The following CNGB3 variants were observed in gnomAD, a reference collection of about 807,000 sequenced individuals.
The protein encoded by CNGB3 is cyclic nucleotide gated channel subunit beta 3.
In CNGB3, 86 loss-of-function variants were observed where a neutral mutation model predicts 92.8. The ratio of observed to expected loss-of-function variants is 0.93; its 90% CI spans 0.78 to 1.11. CNGB3 has a LOEUF of 1.11. Among genes scored for constraint, CNGB3 ranks in the 50% least tolerant of loss-of-function variants. The probability of loss-of-function intolerance (pLI) is 0.00; values close to 1 mark genes in which losing one functional copy is unlikely to be tolerated. For missense variants in CNGB3, 1,026 were observed against 956.8 expected, an observed-to-expected ratio of 1.07 and a Z score of -0.95; for synonymous variants, 333 against 332.7, an observed-to-expected ratio of 1.00 and a Z score of -0.01.
chr8:86,648,641 A>C lies in CNGB3; in HGVS notation c.904-754T>G, dbSNP rs181025669. 7.8e-3 allele frequency among the ~76,000 whole-genome samples: 1,176 copies of C among 151,414 alleles called. 17 individuals are homozygous for C. Among genetic ancestry groups the C allele is most frequent in the African/African-American group, 0.026 (1,062 of 41,494 alleles). ...TACTTTCTTGATGGCAACAACAATA[A>C]GAAATTCTTTTGTGTAAAATAATTA... is the stretch of plus-strand genomic sequence containing the variant. On this transcript the variant is annotated intron_variant, in intron 7 of 17. Coordinates refer to ENST00000320005, the MANE Select transcript of CNGB3 (RefSeq NM_019098.5).
intron 12 of CNGB3, 104 bp downstream of exon 12, chr8:86,628,806 ATTTAGTTGT>A: frequency 8.9e-7 from 1 of 1,122,812 alleles, no homozygotes; most frequent in South Asian, 1.2e-5. Context: ...TTTAAGGATC[ATTTAGTTGT>A]TTTTCAACCT....
chr8:86,638,936 C>T (rs573649245), intron 10 of CNGB3, among the ~76,000 whole-genome samples: 1 of 151,892 alleles, frequency 6.6e-6, no homozygotes, highest in Non-Finnish European at 1.5e-5. Context: ...CCCTTTCCCC[C>T]CTCCTCCCTT....
At chr8:86,576,278 G>T in intron 17 of CNGB3, 148 bp from the exon 18 acceptor site, 1 of 904,112 alleles carries the variant, frequency 1.1e-6, no homozygotes, top group Non-Finnish European at 1.7e-6. Context: ...CTTTGCTTCT[G>T]ACTATCATTT....
intron 2 of CNGB3, among the ~76,000 whole-genome samples, chr8:86,732,322 AG>A (rs1486993264): frequency 3.3e-5 from 5 of 152,186 alleles, no homozygotes; most frequent in Admixed American, 3.3e-4. Flanking sequence ...GCCTGTCCAC[AG>A]CTGGCTGGCA....
intron 6 of CNGB3, chr8:86,659,474 CT>C: frequency 1.6e-6 from 1 of 611,746 alleles, no homozygotes; most frequent in East Asian, 2.8e-5. Context: ...TCAAATTTCT[CT>C]TCTAATTCTG....
intron 2 of CNGB3, among the ~76,000 whole-genome samples, chr8:86,730,087 A>G (rs1230834964): frequency 1.3e-5 from 2 of 152,184 alleles, no homozygotes; most frequent in Non-Finnish European, 2.9e-5. Context: ...TTTGCTCTCC[A>G]CACACCAGGC....
intron 15 of CNGB3, among the ~76,000 whole-genome samples, chr8:86,587,416 C>T (rs868230090): frequency 6.6e-6 from 1 of 152,036 alleles, no homozygotes; most frequent in South Asian, 2.1e-4. Context: ...CTTGCCCATG[C>T]CTATGTCCTG....
chr8:86,616,142 C>G (rs186520604), intron 13 of CNGB3, among the ~76,000 whole-genome samples: 1 of 152,272 alleles, frequency 6.6e-6, no homozygotes, highest in South Asian at 2.1e-4. Flanking sequence ...TTTCAGCTGA[C>G]GGCTTGGATT....
chr8:86,589,230 T>C (rs1821967677), intron 15 of CNGB3, among the ~76,000 whole-genome samples: 1 of 150,846 alleles, frequency 6.6e-6, no homozygotes, highest in African/African-American at 2.4e-5. Context: ...CTTCTCTCTT[T>C]TTTTCTTTAT....
intron 13 of CNGB3, among the ~76,000 whole-genome samples, chr8:86,616,064 G>A (rs918712114): frequency 6.6e-6 from 1 of 152,174 alleles, no homozygotes; most frequent in African/African-American, 2.4e-5. Context: ...AGACAAGCCT[G>A]AACATAGATA....
chr8:86,637,452 G>A (rs1474493349), intron 10 of CNGB3, among the ~76,000 whole-genome samples: 1 of 151,630 alleles, frequency 6.6e-6, no homozygotes, highest in East Asian at 1.9e-4. Context: ...GGTCTTTTGT[G>A]GTTCCATACA....
intron 10 of CNGB3, among the ~76,000 whole-genome samples, chr8:86,640,427 A>G (rs1271892381): frequency 6.6e-6 from 1 of 152,068 alleles, no homozygotes; most frequent in East Asian, 1.9e-4. Flanking sequence ...AAATCAGGAG[A>G]GAGAGAAAGA....
chr8:86,576,297 T>C (rs1821661081), intron 17 of CNGB3, among the ~76,000 whole-genome samples, 167 bp from the exon 18 acceptor site: 1 of 152,058 alleles, frequency 6.6e-6, no homozygotes, highest in Admixed American at 6.6e-5. Context: ...TTGATGAAGT[T>C]TCTGGTGTGC....
At chr8:86,715,386 C>T (rs942038743) in intron 3 of CNGB3, among the ~76,000 whole-genome samples, 2 of 152,092 alleles carry the variant, frequency 1.3e-5, no homozygotes, top group Admixed American at 6.5e-5. Flanking sequence ...TTCAGACACT[C>T]CCTAGTACCA....
chr8:86,576,010 T>C lies in CNGB3; in HGVS notation c.2224A>G (p.Lys742Glu), dbSNP rs765995385. 1 of 1,613,260 alleles carries C rather than the reference T, an allele frequency of 6.2e-7. No homozygotes were observed. Among genetic ancestry groups the C allele is most frequent in the South Asian group, 1.1e-5 (1 of 90,744 alleles). The change falls in exon 18 of 18, where the codon AAA becomes GAA. Residue 742 changes from lysine (K) to glutamate (E), a missense_variant. Lys to Glu is a moderately conservative substitution (Grantham distance 56, BLOSUM62 1). Transcript: ENST00000320005. ...DKGKENEDKD[K>E]GREPEEKPLD... The stretch of plus-strand genomic sequence containing the variant: ...GGCTTCTCTTCTGGCTCTCTTCCTT[T>C]ATCTTTATCTTCATTTTCTTTTCCT...
chr8:86,590,729 C>A lies in CNGB3; in HGVS notation c.1782-11477G>T, dbSNP rs372570540. On this transcript the variant is annotated intron_variant, in intron 15 of 17. Coordinates refer to ENST00000320005, the MANE Select transcript of CNGB3 (RefSeq NM_019098.5). ...GATCCGCTGTTAGTCTGATGGGCTT[C>A]CCTTTGAGGGTAACCCGACCTTTCT... Among the ~76,000 whole-genome samples the A allele has an allele frequency of 2.7e-3, 387 of 141,178 alleles. 14 individuals carry two copies. In the East Asian group the frequency reaches 0.07, roughly 26 times the overall value. 92.6% of individuals were successfully genotyped at this position (141,178 alleles called of 152,430 possible).
chr8:86,622,173 T>A (rs573528659), intron 13 of CNGB3, among the ~76,000 whole-genome samples: 23 of 152,332 alleles, frequency 1.5e-4, no homozygotes, highest in African/African-American at 5.5e-4. Context: ...TACAAATACA[T>A]CAATATGTAG....
rs753951890 is a variant in CNGB3, at chr8:86,611,579, T to A, written c.1662+9A>T. ...TTAGTTGTGCATTTGAAAAATAGCA[T>A]GCACTCACCTTTTTGCAGACAAAGT... On this transcript the variant is annotated intron_variant, in intron 14 of 17. Coordinates refer to ENST00000320005, the MANE Select transcript of CNGB3 (RefSeq NM_019098.5). 1 of 1,604,764 alleles carries A rather than the reference T, an allele frequency of 6.2e-7. No individual in the cohort carries two copies.
chr8:86,659,074 C>T (rs1456704673), intron 6 of CNGB3: 2 of 826,588 alleles, frequency 2.4e-6, no homozygotes, highest in Non-Finnish European at 4.0e-6. Flanking sequence ...GCTGGGGGCT[C>T]CAGGAGCAGG....
Sources: gnomAD v4.1 joint callset for allele counts (sites outside exome capture counted in the v4.1 genomes callset) on GRCh38, gnomAD v4.1.1 for gene constraint, MANE v1.5 for transcripts, NCBI Gene and HGNC (gene_info 2026-07-23, HGNC 2026-07-21) for gene names.